LMX1A: variants seen among roughly 807,000 people sequenced by gnomAD.
LMX1A encodes LIM homeobox transcription factor 1 alpha, also known as LIM homeobox transcription factor 1-alpha.
LMX1A carries 15 observed loss-of-function variants against 49.1 expected under a neutral mutation model. The ratio of observed to expected loss-of-function variants is 0.31; its 90% CI spans 0.20 to 0.47. LMX1A has a LOEUF of 0.47. Ranked by LOEUF, LMX1A falls within the 20% of genes least tolerant of loss-of-function variation. The pLI is 1.00. For synonymous variants in LMX1A, 167 were observed against 185.7 expected (o/e 0.90, Z 0.82); for missense variants, 372 against 475.8 (o/e 0.78, Z 2.03).
At chr1:165,252,854 C>T (rs1653107411) in intron 3 of LMX1A, among the ~76,000 whole-genome samples, 1 of 152,222 alleles carries the variant, frequency 6.6e-6, no homozygotes, top group Non-Finnish European at 1.5e-5. Context: ...AGAGCATTTT[C>T]CTATACACAG....
intron 3 of LMX1A, among the ~76,000 whole-genome samples, chr1:165,266,595 CTTTTTT>C (rs61551654): frequency 5.6e-4 from 44 of 79,182 alleles, no homozygotes; most frequent in African/African-American, 2.1e-3. Context: ...TTCTTTCTTT[CTTTTTT>C]TTTTTTTTTT....
At chr1:165,317,183 A>G in intron 3 of LMX1A, among the ~76,000 whole-genome samples, 1 of 152,206 alleles carries the variant, frequency 6.6e-6, no homozygotes, top group East Asian at 1.9e-4. Context: ...CCCACTCAGA[A>G]CAAGGAGAGT....
chr1:165,245,505 C>A (rs1343547), intron 4 of LMX1A, among the ~76,000 whole-genome samples: 151,885 of 152,128 alleles, frequency 1, 75,821 homozygotes, highest in Middle Eastern at 1. Context: ...TATACTGAGT[C>A]TCTTTAATTA....
Position 165,270,375 on chromosome 1 carries a change from T to C in LMX1A, c.264-20735A>G, listed in dbSNP as rs547277591. ...CACTGAAAACAAGGGCTAGAGAAAT[T>C]TGGAGACTCAGGAAACTCCTGTGGG... On this transcript the variant is annotated intron_variant, in intron 3 of 8. Transcript: ENST00000342310. Among the ~76,000 whole-genome samples, 6 of 152,314 alleles carry C rather than the reference T, an allele frequency of 3.9e-5. No homozygotes were observed. In the South Asian group the frequency reaches 8.3e-4, roughly 21 times the overall value.
chr1:165,239,051 A>G (rs2102627903), intron 4 of LMX1A, among the ~76,000 whole-genome samples: 1 of 131,302 alleles, frequency 7.6e-6, no homozygotes, highest in South Asian at 2.8e-4. Flanking sequence ...TGTTGACATC[A>G]TTATCATCAT....
intron 3 of LMX1A, among the ~76,000 whole-genome samples, chr1:165,352,850 C>T (rs1345522335): frequency 2.0e-5 from 3 of 152,260 alleles, no homozygotes; most frequent in Middle Eastern, 3.2e-3. Context: ...ACAGCCATTG[C>T]GCGCACTTCT....
chr1:165,282,504 A>G (rs1557872677), intron 3 of LMX1A, among the ~76,000 whole-genome samples: 1 of 152,122 alleles, frequency 6.6e-6, no homozygotes, highest in Non-Finnish European at 1.5e-5. Flanking sequence ...TTTTTATTGT[A>G]TTGTTAGTTT....
chr1:165,228,840 T>G (rs1463935078), intron 4 of LMX1A, among the ~76,000 whole-genome samples: 1 of 151,980 alleles, frequency 6.6e-6, no homozygotes, highest in African/African-American at 2.4e-5. Flanking sequence ...AGGCCAGAAA[T>G]GACTTTAAAG....
chr1:165,355,425 C>T lies in LMX1A; in HGVS notation c.76+59G>A, dbSNP rs1285547800. The T allele has an allele frequency of 1.3e-6, 2 of 1,559,288 alleles. No individual in the cohort carries two copies. The highest frequency in any genetic ancestry group is 1.8e-6 in the Non-Finnish European group (2 of 1,134,796). On this transcript the variant is annotated intron_variant, in intron 2 of 8. Transcript: ENST00000342310. The surrounding 1 kb of genome is among the most constrained non-coding windows in gnomAD (Gnocchi z 4.7). ...GACCAGGTCCCAGAGAGCGGGGCTC[C>T]AGAGCTCAGCGCCAAGCGGAAAGAG...
intron 4 of LMX1A, chr1:165,219,214 T>C (rs1350742099): frequency 6.6e-6 from 1 of 152,170 alleles, no homozygotes; most frequent in Non-Finnish European, 1.5e-5. Flanking sequence ...GCACTACCTG[T>C]GGGGCCTCGG....
rs1252348035 is a variant in LMX1A at position 165,355,241 on chromosome 1, C to T, written c.76+243G>A. Among the ~76,000 whole-genome samples the T allele has an allele frequency of 1.3e-5, 2 of 152,106 alleles. No homozygotes were observed. Among genetic ancestry groups the T allele is most frequent in the Admixed American group, 1.3e-4 (2 of 15,278 alleles). The stretch of plus-strand genomic sequence containing the variant: ...ACTCAGACGCCTACGAACAAGCTCG[C>T]CCGCCCCTCGCGGCTTTGGGGAATT... On this transcript the variant is annotated intron_variant, in intron 2 of 8. Transcript: ENST00000342310. This position sits in a 1 kb window ranked among gnomAD's most constrained non-coding sequence, Gnocchi z 4.7.
At chr1:165,275,883 GTGTT>G (rs1445075298) in intron 3 of LMX1A, among the ~76,000 whole-genome samples, 3 of 149,142 alleles carry the variant, frequency 2.0e-5, no homozygotes, top group Non-Finnish European at 4.5e-5. Flanking sequence ...GTGTGTGTGT[GTGTT>G]TGTCTTCCTC....
chr1:165,299,771 A>AC, intron 3 of LMX1A, among the ~76,000 whole-genome samples: 1 of 3,544 alleles, frequency 2.8e-4, no homozygotes, highest in Non-Finnish European at 7.2e-4. Flanking sequence ...GAAACACACT[A>AC]AAAAAAAAAA....
intron 3 of LMX1A, among the ~76,000 whole-genome samples, chr1:165,304,704 G>A (rs374174976): frequency 5.3e-5 from 8 of 152,164 alleles, no homozygotes; most frequent in South Asian, 4.1e-4. Flanking sequence ...TCTGACCCTC[G>A]TTGCCCTTCC....
At chr1:165,268,483 A>G (rs995286297) in intron 3 of LMX1A, among the ~76,000 whole-genome samples, 1 of 152,226 alleles carries the variant, frequency 6.6e-6, no homozygotes, top group African/African-American at 2.4e-5. Flanking sequence ...TAGGAATGGC[A>G]TTGAGAGATG....
intron 3 of LMX1A, among the ~76,000 whole-genome samples, chr1:165,321,868 G>A (rs963173954): frequency 1.3e-5 from 2 of 152,066 alleles, no homozygotes; most frequent in Non-Finnish European, 2.9e-5. Context: ...ACATATACAG[G>A]TCTAGTATCT....
chr1:165,247,054 C>CTTTTATTTTTTTTTTTTTT (rs1652875747), intron 4 of LMX1A, among the ~76,000 whole-genome samples: 1 of 53,228 alleles, frequency 1.9e-5, no homozygotes, highest in Admixed American at 3.3e-4. Flanking sequence ...TCAGCTTTTT[C>CTTTTATTTTTTTTTTTTTT]TTTTTTTTTT....
chr1:165,332,446 A>C (rs1419275450), intron 3 of LMX1A, among the ~76,000 whole-genome samples: 66 of 152,326 alleles, frequency 4.3e-4, no homozygotes, highest in Non-Finnish European at 1.2e-4. Flanking sequence ...AATCTTTCCT[A>C]TTTTTAACTA....
At chr1:165,208,886 A>T (rs1313761853) in intron 6 of LMX1A, among the ~76,000 whole-genome samples, 3 of 152,092 alleles carry the variant, frequency 2.0e-5, no homozygotes, top group African/African-American at 7.2e-5. Flanking sequence ...TGATCTCGTG[A>T]TCCACCCGCC....
Sources: gnomAD v4.1 joint callset for allele counts (sites outside exome capture counted in the v4.1 genomes callset) on GRCh38, gnomAD v4.1.1 for gene constraint, Gnocchi (gnomAD v3.1) non-coding constraint, MANE v1.5 for transcripts, NCBI Gene and HGNC (gene_info 2026-07-23, HGNC 2026-07-21) for gene names.